CA5A: variants seen among roughly 807,000 people sequenced by gnomAD.
The protein encoded by CA5A is carbonic anhydrase 5A.
Under a neutral mutation model 37.1 loss-of-function variants are expected in CA5A, and 28 were observed. The ratio of observed to expected loss-of-function variants is 0.75; its 90% CI spans 0.56 to 1.03. CA5A has a LOEUF of 1.03. CA5A is among the 50% of genes least tolerant of loss of function. CA5A has a pLI of 0.00. For synonymous variants in CA5A, 171 were observed against 158.4 expected (o/e 1.08, Z -0.60); for missense variants, 444 against 399.9 (o/e 1.11, Z -0.94).
At chr16:87,903,458 A>C (rs1419826945) in intron 3 of CA5A, among the ~76,000 whole-genome samples, 1 of 152,198 alleles carries the variant, frequency 6.6e-6, no homozygotes, top group Non-Finnish European at 1.5e-5. Context: ...TAAATAAATA[A>C]ATAAAATATC....
At chr16:87,895,916 G>C (rs1458794734) in intron 5 of CA5A, among the ~76,000 whole-genome samples, 1 of 152,190 alleles carries the variant, frequency 6.6e-6, no homozygotes, top group Non-Finnish European at 1.5e-5. Context: ...CGCTCTAGCT[G>C]GGCTGTGAAG....
At chr16:87,891,086 G>C (rs915736899) in intron 6 of CA5A, among the ~76,000 whole-genome samples, 1 of 151,284 alleles carries the variant, frequency 6.6e-6, no homozygotes, top group Non-Finnish European at 1.5e-5. Context: ...GAGCCATGAC[G>C]CCCAGCCCAA....
At chr16:87,918,201 T>C (rs1348120135) in intron 2 of CA5A, among the ~76,000 whole-genome samples, 1 of 152,170 alleles carries the variant, frequency 6.6e-6, no homozygotes, top group Non-Finnish European at 1.5e-5. Flanking sequence ...AATGCTTAAT[T>C]CTCCCAGAAT....
At chr16:87,929,893 A>AAAAAAAAAG (rs2056378269) in intron 1 of CA5A, among the ~76,000 whole-genome samples, 1 of 151,590 alleles carries the variant, frequency 6.6e-6, no homozygotes, top group African/African-American at 2.4e-5. Flanking sequence ...AAAAAAAAAA[A>AAAAAAAAAG]AAATAAGTAA....
chr16:87,907,166 C>T (rs577549035), intron 2 of CA5A, among the ~76,000 whole-genome samples: 4 of 152,048 alleles, frequency 2.6e-5, no homozygotes, highest in South Asian at 2.1e-4. Flanking sequence ...TGCAGTGAGC[C>T]GAGATTGCGC....
intron 3 of CA5A, among the ~76,000 whole-genome samples, chr16:87,903,617 A>G (rs1014149345): frequency 2.5e-4 from 38 of 152,214 alleles, no homozygotes; most frequent in Non-Finnish European, 3.1e-4. Flanking sequence ...ATCACTCCCT[A>G]TTTATAAAAT....
At chr16:87,917,830 T>G (rs1433170150) in intron 2 of CA5A, among the ~76,000 whole-genome samples, 1 of 144,538 alleles carries the variant, frequency 6.9e-6, no homozygotes, top group Non-Finnish European at 1.5e-5. Context: ...CGAACACACA[T>G]GCACACACAC....
In CA5A at chr16:87,888,204, A is replaced by G. The variant is rs2055665030; in HGVS notation, c.843T>C (p.Tyr281=). 1 of 1,613,906 alleles carries G rather than the reference A, an allele frequency of 6.2e-7. No individual in the cohort carries two copies. Among genetic ancestry groups the G allele is most frequent in the Non-Finnish European group, 8.5e-7 (1 of 1,179,856 alleles). Residue 281 remains tyrosine, a synonymous_variant, in exon 7 of 7, where the codon TAT becomes TAC. Coordinates refer to ENST00000649794, the MANE Select transcript of CA5A (RefSeq NM_001739.2). ...GGTTCATCAAGGGTTGAAGTGGGCG[A>G]TAGTTGTTCACCATCATCTTCTCCT... ...GEEEKMMVNN[Y]RPLQPLMNRK...
rs1443943041 is a variant in CA5A, at chr16:87,911,663, C to G, written c.341-6759G>C. 1.3e-5 allele frequency among the ~76,000 whole-genome samples: 2 copies of G among 152,140 alleles called. No individual in the cohort carries two copies. The highest frequency in any genetic ancestry group is 2.4e-5 in the African/African-American group (1 of 41,420). ...TCCCCAGGCAGGCAGGGGCCGCAGC[C>G]ACTGCAAGCCCCTGCCCACAGAACT... On this transcript the variant is annotated intron_variant, in intron 2 of 6. Transcript: ENST00000649794. The surrounding 1 kb of genome is among the most constrained non-coding windows in gnomAD (Gnocchi z 4.6).
At chr16:87,933,632 A>G (rs1002638955) in intron 1 of CA5A, among the ~76,000 whole-genome samples, 1 of 151,696 alleles carries the variant, frequency 6.6e-6, no homozygotes, top group East Asian at 1.9e-4. Flanking sequence ...GTCCTCCCAC[A>G]TCAGCCTCCC....
chr16:87,903,242 C>A (rs566555601), intron 3 of CA5A, among the ~76,000 whole-genome samples: 8 of 152,150 alleles, frequency 5.3e-5, no homozygotes, highest in Admixed American at 3.9e-4. Flanking sequence ...ACCAGCCTGG[C>A]CAAGATGGTG....
intron 1 of CA5A, 91 bp from the exon 2 acceptor site, chr16:87,927,036 C>T: frequency 1.1e-6 from 1 of 895,890 alleles, no homozygotes; most frequent in Non-Finnish European, 1.7e-6. Flanking sequence ...GCACGAGACC[C>T]CTCACGTCCT....
chr16:87,923,243 C>T (rs757177029), intron 2 of CA5A, among the ~76,000 whole-genome samples: 1 of 152,176 alleles, frequency 6.6e-6, no homozygotes, highest in Non-Finnish European at 1.5e-5. Flanking sequence ...AGCTGGAGTG[C>T]AGTGGCTCGA....
Position 87,929,051 on chromosome 16 carries a change from G to C in CA5A, c.143-2106C>G, listed in dbSNP as rs1436838100. On this transcript the variant is annotated intron_variant, in intron 1 of 6. Coordinates refer to ENST00000649794, the MANE Select transcript of CA5A (RefSeq NM_001739.2). ...CCCAAAGTGCTGGGATTACAGGCGT[G>C]AGCCACCGCGCCCAGCCTTGGATTA... 4.6e-5 allele frequency among the ~76,000 whole-genome samples: 7 copies of C among 150,694 alleles called. No homozygotes were observed. In the East Asian group the frequency reaches 1.4e-3, roughly 30 times the overall value.
intron 2 of CA5A, among the ~76,000 whole-genome samples, chr16:87,922,680 C>A (rs1274009568): frequency 6.6e-6 from 1 of 152,244 alleles, no homozygotes; most frequent in Non-Finnish European, 1.5e-5. Context: ...GGGCCCTGGG[C>A]CAGCTGCCGG....
chr16:87,899,510 C>T (rs1395471620), intron 5 of CA5A, among the ~76,000 whole-genome samples: 12 of 150,594 alleles, frequency 8.0e-5, no homozygotes, highest in Non-Finnish European at 1.2e-4. Context: ...ATCATGTTGG[C>T]CAGGCTGGTT....
At chr16:87,903,678 G>A (rs994281782) in intron 3 of CA5A, among the ~76,000 whole-genome samples, 1 of 152,068 alleles carries the variant, frequency 6.6e-6, no homozygotes, top group African/African-American at 2.4e-5. Flanking sequence ...TCATTTTTTG[G>A]TTTGGGTGGA....
chr16:87,929,882 A>AAAAT lies in CA5A; in HGVS notation c.143-2938_143-2937insATTT, dbSNP rs1555524431. Among the ~76,000 whole-genome samples, 11 of 151,414 alleles carry AAAAT rather than the reference A, an allele frequency of 7.3e-5. 1 individual carries two copies. Among genetic ancestry groups the AAAAT allele is most frequent in the South Asian group, 2.1e-4 (1 of 4,820 alleles). The stretch of plus-strand genomic sequence containing the variant: ...GCGAGACTCCGTCTCAAAAAAAAAA[A>AAAAT]AAAAAAAAAAAAAATAAGTAAACCA... On this transcript the variant is annotated intron_variant, in intron 1 of 6. Coordinates refer to ENST00000649794, the MANE Select transcript of CA5A (RefSeq NM_001739.2).
intron 1 of CA5A, among the ~76,000 whole-genome samples, chr16:87,929,279 C>T (rs148854845): frequency 6.6e-6 from 1 of 150,540 alleles, no homozygotes; most frequent in Admixed American, 6.6e-5. Flanking sequence ...TGGTAAAACC[C>T]TGTCTCTACT....
Sources: allele counts gnomAD v4.1 joint callset (sites outside exome capture counted in the v4.1 genomes callset), GRCh38; gene constraint gnomAD v4.1.1; non-coding constraint Gnocchi (gnomAD v3.1); transcripts MANE v1.5; gene names NCBI Gene and HGNC (gene_info 2026-07-23, HGNC 2026-07-21).